The following E2F1 variants were observed in gnomAD, a reference collection of about 807,000 sequenced individuals.
E2F1 encodes E2F transcription factor 1, also known as transcription factor E2F1.
A neutral mutation model predicts 36.9 loss-of-function variants in E2F1; 7 were observed. The ratio of observed to expected loss-of-function variants is 0.19; its 90% CI spans 0.11 to 0.36. The LOEUF is 0.36. Ranked by LOEUF, E2F1 falls within the 10% of genes least tolerant of loss-of-function variation. The pLI is 1.00. For synonymous variants in E2F1, 261 were observed against 263.1 expected (o/e 0.99, Z 0.08); for missense variants, 406 against 573.6 (o/e 0.71, Z 2.99).
At chr20:33,678,393 T>C (rs1296620864) in intron 3 of E2F1, 40 bp from the exon 4 acceptor site, 3 of 1,605,118 alleles carry the variant, frequency 1.9e-6, no homozygotes, top group African/African-American at 2.7e-5. Context: ...TAACAGCGAT[T>C]GGCCCCTCTG....
chr20:33,676,592 C>T lies in E2F1; in HGVS notation c.*140G>A. 1 of 1,293,692 alleles carries T rather than the reference C, an allele frequency of 7.7e-7. No homozygotes were observed. The highest frequency in any genetic ancestry group is 1.5e-5 in the African/African-American group (1 of 66,850). 80.1% of individuals were successfully genotyped at this position (1,293,692 alleles called of 1,614,324 possible). ...TCCTAGCGGTAGCCAGACCCCAGAG[C>T]TAGAAGCTTCTGGAGACAGAGGAGA... On this transcript the variant is annotated 3_prime_UTR_variant, in exon 7 of 7. Transcript: ENST00000343380.
chr20:33,681,313 G>A (rs1322296459), intron 1 of E2F1, among the ~76,000 whole-genome samples: 5 of 152,096 alleles, frequency 3.3e-5, no homozygotes, highest in African/African-American at 1.2e-4. Flanking sequence ...AGTCGTGCTG[G>A]GACTAGTCAG....
At position 33,676,932 on chromosome 20, in the gene E2F1, C is replaced by A; in HGVS notation, c.1114G>T (p.Asp372Tyr). The change falls in exon 7 of 7, where the codon GAC becomes TAC. Residue 372 changes from aspartate to tyrosine, a missense_variant. Asp to Tyr is a radical substitution (Grantham distance 160). Coordinates refer to ENST00000343380, the MANE Select transcript of E2F1 (RefSeq NM_005225.3). The stretch of plus-strand genomic sequence containing the variant: ...GCCGCCACCAGCGGGGACAGGCGGT[C>A]CTCGTCCACGGGAGCCCGCAGGCTG... ...MGSLRAPVDE[D>Y]RLSPLVAADS... 1 of 1,565,016 alleles carries A rather than the reference C, an allele frequency of 6.4e-7. No homozygotes were observed. Among genetic ancestry groups the A allele is most frequent in the Non-Finnish European group, 8.7e-7 (1 of 1,153,184 alleles).
At position 33,680,434 on chromosome 20, in the gene E2F1, G is replaced by A; in HGVS notation, c.262-18C>T. On this transcript the variant is annotated intron_variant, in intron 1 of 6. Coordinates refer to ENST00000343380, the MANE Select transcript of E2F1 (RefSeq NM_005225.3). ...CGCTTCACCTGTGGCGAAAACGGGA[G>A]GATGCCCAGTAACCAGGAGTGAGGC... 5 of 1,611,380 alleles carry A rather than the reference G, an allele frequency of 3.1e-6. No homozygotes were observed. Among genetic ancestry groups the A allele is most frequent in the Non-Finnish European group, 4.2e-6 (5 of 1,178,434 alleles).
chr20:33,677,053 A>AC, intron 6 of E2F1, 52 bp downstream of exon 6: 1 of 1,551,144 alleles, frequency 6.4e-7, no homozygotes, highest in South Asian at 1.2e-5. Context: ...GTGCCTGCCC[A>AC]CCCCCCAGAA....
rs1426765099 is a variant in E2F1 at position 33,676,339 on chromosome 20, A to C, written c.*393T>G. 1.2e-5 allele frequency: 2 copies of C among 167,168 alleles called. No homozygotes were observed. The highest frequency in any genetic ancestry group is 4.8e-5 in the African/African-American group (2 of 41,974). 10.4% of individuals were successfully genotyped at this position (167,168 alleles called of 1,614,324 possible). On this transcript the variant is annotated 3_prime_UTR_variant, in exon 7 of 7. Transcript: ENST00000343380. ...TGGGACCCCCAGAGCAAAAGGGCCG[A>C]AAGTGCAGTTAGAGCCCCCCCACGC...
At position 33,685,211 on chromosome 20, in the gene E2F1, G is replaced by C. The variant is rs3213147; in HGVS notation, c.261+793C>G. On this transcript the variant is annotated intron_variant, in intron 1 of 6. Coordinates refer to ENST00000343380, the MANE Select transcript of E2F1 (RefSeq NM_005225.3). ...CCTAGTCCTTCTACAGAGACTCAGG[G>C]GTCGGCCTGCCTGATTAATGAGGTT... Among the ~76,000 whole-genome samples the C allele has an allele frequency of 5.1e-4, 77 of 152,294 alleles. No individual in the cohort carries two copies. The South Asian group carries it at 8.5e-3, about 17-fold the overall frequency.
At position 33,676,861 on chromosome 20, in the gene E2F1, G is replaced by A. The variant is rs756700620; in HGVS notation, c.1185C>T (p.Leu395=). The change falls in exon 7 of 7, where the codon CTC becomes CTT. Residue 395 remains leucine, a synonymous_variant. Coordinates refer to ENST00000343380, the MANE Select transcript of E2F1 (RefSeq NM_005225.3). The stretch of plus-strand genomic sequence containing the variant: ...GGGAAAGGCTGATGAACTCCTCAGG[G>A]AGGAGGCCGGAGAAGTCCTCCCGCA... ...EHVREDFSGL[L]PEEFISLSPP... The A allele has an allele frequency of 7.6e-6, 12 of 1,585,836 alleles. No individual in the cohort carries two copies. In the African/African-American group the frequency reaches 1.5e-4, roughly 20 times the overall value.
chr20:33,677,597 C>G, intron 4 of E2F1, 57 bp from the exon 5 acceptor site: 1 of 1,389,690 alleles, frequency 7.2e-7, no homozygotes, highest in Non-Finnish European at 1.0e-6. Context: ...CTCACTCCAA[C>G]AGCTCACAAG....
intron 1 of E2F1, among the ~76,000 whole-genome samples, chr20:33,681,772 G>A (rs572451828): frequency 5.2e-4 from 79 of 152,156 alleles, no homozygotes; most frequent in African/African-American, 1.2e-3. Context: ...TCACCACGGC[G>A]ATCACCACCT....
chr20:33,679,068 A>T lies in E2F1; in HGVS notation c.572+687T>A, dbSNP rs971609765. On this transcript the variant is annotated intron_variant, in intron 3 of 6. Transcript: ENST00000343380. The surrounding 1 kb of genome is among the most constrained non-coding windows in gnomAD (Gnocchi z 4.6). Reference sequence around the variant, plus strand: ...GACTGGCGCGAAGGCGAGAGGGGGAAAATAAAACAAGAATAAAATATCTAT... The same window carrying T: ...GACTGGCGCGAAGGCGAGAGGGGGATAATAAAACAAGAATAAAATATCTAT... Among the ~76,000 whole-genome samples, 1 of 152,342 alleles carries T rather than the reference A, an allele frequency of 6.6e-6. No individual in the cohort carries two copies. The highest frequency in any genetic ancestry group is 6.5e-5 in the Admixed American group (1 of 15,300).
rs199740633 is a variant in E2F1 at position 33,680,352 on chromosome 20, C to G, written c.326G>C (p.Arg109Pro). ...QYLAESSGPA[R>P]GRGRHPGKGV... ...TTTTCCTGGATGGCGGCCTCTGCCC[C>G]GAGCTGGCCCACTGCTCTCGGCCAG... Residue 109 changes from arginine (R) to proline (P), a missense_variant, in exon 2 of 7, where the codon CGG (arginine) becomes CCG (proline). Transcript: ENST00000343380. The G allele has an allele frequency of 1.2e-6, 2 of 1,614,196 alleles. No individual in the cohort carries two copies. Among genetic ancestry groups the G allele is most frequent in the Non-Finnish European group, 8.5e-7 (1 of 1,180,038 alleles).
chr20:33,682,468 C>T (rs770674845), intron 1 of E2F1, among the ~76,000 whole-genome samples: 27 of 152,188 alleles, frequency 1.8e-4, no homozygotes, highest in Non-Finnish European at 3.7e-4. Context: ...ATACCCGCCA[C>T]GTGCCCCACC....
chr20:33,677,687 A>G, intron 4 of E2F1, 147 bp from the exon 5 acceptor site: 1 of 608,578 alleles, frequency 1.6e-6, no homozygotes, highest in Non-Finnish European at 2.9e-6. Context: ...CTGAGTTTCA[A>G]GTTCCACATC....
At chr20:33,684,215 A>T (rs1473159709) in intron 1 of E2F1, among the ~76,000 whole-genome samples, 1 of 152,192 alleles carries the variant, frequency 6.6e-6, no homozygotes, top group Non-Finnish European at 1.5e-5. Context: ...TTGATCCTAG[A>T]ACCCATAATC....
At chr20:33,677,391 C>A (rs143729545) in intron 5 of E2F1, 35 bp downstream of exon 5, 3 of 1,611,860 alleles carry the variant, frequency 1.9e-6, no homozygotes, top group Non-Finnish European at 2.5e-6. Context: ...CCAGCCCAGC[C>A]CAGCCCAGTT....
At position 33,679,461 on chromosome 20, in the gene E2F1, C is replaced by A. The variant is rs193226744; in HGVS notation, c.572+294G>T. Among the ~76,000 whole-genome samples the A allele has an allele frequency of 6.6e-6, 1 of 152,228 alleles. No homozygotes were observed. Among genetic ancestry groups the A allele is most frequent in the Non-Finnish European group, 1.5e-5 (1 of 68,004 alleles). ...CAGGAGGCTGAGGCAGGAGAAGCAC[C>A]TGAACCTGGGAGGTAGAGGTTACAG... On this transcript the variant is annotated intron_variant, in intron 3 of 6. Coordinates refer to ENST00000343380, the MANE Select transcript of E2F1 (RefSeq NM_005225.3). This position sits in a 1 kb window ranked among gnomAD's most constrained non-coding sequence, Gnocchi z 4.6.
At position 33,679,915 on chromosome 20, in the gene E2F1, G is replaced by A; in HGVS notation, c.412C>T (p.Arg138Cys). The change falls in exon 3 of 7, where the codon CGC becomes TGC. Residue 138 changes from arginine (R) to cysteine (C), a missense_variant. Physicochemically the swap from Arg to Cys is radical, Grantham distance 180. This residue lies in a region of E2F1 where 77 missense variants were observed against 131.7 expected (regional missense o/e 0.58). Transcript: ENST00000343380. The surrounding 1 kb of genome is among the most constrained non-coding windows in gnomAD (Gnocchi z 4.6). The part of the protein sequence containing the change: ...YETSLNLTTK[R>C]FLELLSHSAD... ...GAGTGGCTCAGCAGCTCCAGGAAGC[G>A]CTTGGTGGTCAGATTCAGTGAGGTC... is the stretch of plus-strand genomic sequence containing the variant. The A allele has an allele frequency of 6.2e-7, 1 of 1,614,220 alleles. No individual in the cohort carries two copies. Among genetic ancestry groups the A allele is most frequent in the Middle Eastern group, 1.7e-4 (1 of 6,060 alleles).
At chr20:33,680,281 G>C (rs767200455) in intron 2 of E2F1, 45 bp downstream of exon 2, 1 of 1,581,894 alleles carries the variant, frequency 6.3e-7, no homozygotes, top group South Asian at 1.1e-5. Flanking sequence ...TCCCTAACCT[G>C]GGCCTGGTCA....
Sources: gnomAD v4.1 joint callset for allele counts (sites outside exome capture counted in the v4.1 genomes callset) on GRCh38, gnomAD v4.1.1 for gene constraint, gnomAD v4.1.1 regional missense constraint, Gnocchi (gnomAD v3.1) non-coding constraint, MANE v1.5 for transcripts, NCBI Gene and HGNC (gene_info 2026-07-23, HGNC 2026-07-21) for gene names.